Variants in CHD7 observed in about 807,000 individuals in gnomAD.
CHD7 encodes ATP-dependent chromatin remodeler CHD7.
In CHD7, 24 loss-of-function variants were observed where a neutral mutation model predicts 307.3. That is an observed-to-expected ratio of 0.08 (90% CI 0.06 to 0.11). The LOEUF is 0.11. Among genes scored for constraint, CHD7 ranks in the 10% least tolerant of loss-of-function variants. CHD7 has a pLI of 1.00. For missense variants in CHD7, 3,106 were observed against 3,727.1 expected (o/e 0.83, Z 4.34); for synonymous variants, 1,363 against 1,349.9 (o/e 1.01, Z -0.21).
At chr8:60,748,310 A>G (rs1330256793) in intron 2 of CHD7, among the ~76,000 whole-genome samples, 2 of 152,210 alleles carry the variant, frequency 1.3e-5, no homozygotes, top group Non-Finnish European at 2.9e-5. Flanking sequence ...TTTAAGATTT[A>G]GGAAACAATG....
At chr8:60,854,566 A>G (rs1164108907) in intron 32 of CHD7, 43 bp downstream of exon 32, 5 of 1,521,136 alleles carry the variant, frequency 3.3e-6, no homozygotes, top group Non-Finnish European at 4.4e-6. Context: ...ACCAAAAAGG[A>G]TTAGGGTAGA....
chr8:60,790,543 G>A (rs1811726434), intron 3 of CHD7, among the ~76,000 whole-genome samples: 1 of 152,090 alleles, frequency 6.6e-6, no homozygotes, highest in Admixed American at 6.5e-5. Context: ...CGCTATGTGG[G>A]GGTTTCTTAT....
chr8:60,762,026 A>G lies in CHD7; in HGVS notation c.1665+18929A>G, dbSNP rs577689281. ...TTGTATTCTCTTTACTTCCTTTCCA[A>G]TTGCCATGAGAGGGGAGTCTCTGCC... On this transcript the variant is annotated intron_variant, in intron 2 of 37. Coordinates refer to ENST00000423902, the MANE Select transcript of CHD7 (RefSeq NM_017780.4). 7.9e-5 allele frequency among the ~76,000 whole-genome samples: 12 copies of G among 152,108 alleles called. No homozygotes were observed. In the East Asian group the frequency reaches 1.9e-3, roughly 24 times the overall value.
chr8:60,818,345 C>CTT (rs1305824332), intron 8 of CHD7, among the ~76,000 whole-genome samples: 1 of 152,176 alleles, frequency 6.6e-6, no homozygotes, highest in Middle Eastern at 3.2e-3. Flanking sequence ...AGATTACTCA[C>CTT]TTAAAGGGTA....
chr8:60,859,480 A>T (rs138505880), intron 34 of CHD7, among the ~76,000 whole-genome samples: 4 of 152,354 alleles, frequency 2.6e-5, no homozygotes, highest in African/African-American at 9.6e-5. Context: ...ATGGGGTAGC[A>T]CATAAATCAT....
intron 2 of CHD7, among the ~76,000 whole-genome samples, chr8:60,747,924 A>G (rs1295705827): frequency 6.6e-6 from 1 of 152,288 alleles, no homozygotes; most frequent in Non-Finnish European, 1.5e-5. Context: ...TGGGGACTCA[A>G]AAACAATACA....
chr8:60,790,317 T>C (rs1811711351), intron 3 of CHD7, among the ~76,000 whole-genome samples: 1 of 152,302 alleles, frequency 6.6e-6, no homozygotes, highest in East Asian at 1.9e-4. Context: ...TCTGTGTCTC[T>C]CTAGCTTCTC....
intron 3 of CHD7, among the ~76,000 whole-genome samples, chr8:60,788,257 T>C (rs1811597694): frequency 6.6e-6 from 1 of 150,788 alleles, no homozygotes; most frequent in African/African-American, 2.5e-5. Flanking sequence ...CAGTCTCTCT[T>C]TTTTTTTATT....
chr8:60,773,007 T>C (rs747188196), intron 2 of CHD7, among the ~76,000 whole-genome samples: 2 of 152,226 alleles, frequency 1.3e-5, no homozygotes, highest in African/African-American at 4.8e-5. Flanking sequence ...GTTATTGCTC[T>C]TGTTCTGTCA....
At chr8:60,738,648 A>G (rs1054422093) in intron 1 of CHD7, among the ~76,000 whole-genome samples, 18 of 152,198 alleles carry the variant, frequency 1.2e-4, no homozygotes, top group African/African-American at 4.3e-4. Context: ...TATGAAATGC[A>G]GCTACCAGAT....
chr8:60,826,773 T>C (rs184800343), intron 13 of CHD7, among the ~76,000 whole-genome samples: 2 of 152,234 alleles, frequency 1.3e-5, no homozygotes, highest in Admixed American at 1.3e-4. Flanking sequence ...GAGGGGATGC[T>C]GTGGAGATCA....
chr8:60,775,957 A>C (rs1297198366), intron 2 of CHD7, among the ~76,000 whole-genome samples: 1 of 152,128 alleles, frequency 6.6e-6, no homozygotes, highest in East Asian at 1.9e-4. Flanking sequence ...ACGGGGTGTC[A>C]CTATGTTGGC....
chr8:60,795,645 A>G (rs894785916), intron 4 of CHD7, among the ~76,000 whole-genome samples: 4 of 152,204 alleles, frequency 2.6e-5, no homozygotes, highest in African/African-American at 9.6e-5. Context: ...TGACTTTCCA[A>G]ATGGCAACTC....
chr8:60,695,768 C>A (rs976805248), intron 1 of CHD7, among the ~76,000 whole-genome samples: 1 of 152,074 alleles, frequency 6.6e-6, no homozygotes. Flanking sequence ...TTTAAAAATG[C>A]AAATTAAATT....
chr8:60,785,998 T>C (rs1239959571), intron 3 of CHD7, among the ~76,000 whole-genome samples: 1 of 152,220 alleles, frequency 6.6e-6, no homozygotes, highest in African/African-American at 2.4e-5. Context: ...AATGAATCTT[T>C]GAGCCCTTTC....
intron 2 of CHD7, among the ~76,000 whole-genome samples, chr8:60,769,790 G>A: frequency 6.6e-6 from 1 of 152,092 alleles, no homozygotes; most frequent in East Asian, 1.9e-4. Context: ...GGAAATACTT[G>A]AACCACTCTT....
At chr8:60,839,312 G>A (rs1804870025) in intron 19 of CHD7, among the ~76,000 whole-genome samples, 1 of 152,300 alleles carries the variant, frequency 6.6e-6, no homozygotes, top group Middle Eastern at 3.4e-3. Flanking sequence ...CATTGTATGG[G>A]TATACCACCT....
chr8:60,688,931 T>C (rs952824169), intron 1 of CHD7, among the ~76,000 whole-genome samples: 1 of 152,170 alleles, frequency 6.6e-6, no homozygotes, highest in Non-Finnish European at 1.5e-5. Context: ...AAGTTCTCTT[T>C]ACCATGTAAA....
intron 1 of CHD7, among the ~76,000 whole-genome samples, chr8:60,683,424 T>C (rs1805728891): frequency 6.6e-6 from 1 of 152,234 alleles, no homozygotes; most frequent in Non-Finnish European, 1.5e-5. Context: ...ATTTAAAACA[T>C]CATGACTATG....
Sources: allele counts gnomAD v4.1 joint callset (sites outside exome capture counted in the v4.1 genomes callset), GRCh38; gene constraint gnomAD v4.1.1; transcripts MANE v1.5; gene names NCBI Gene and HGNC (gene_info 2026-07-23, HGNC 2026-07-21).